The following RASGRF2 variants were observed in gnomAD, a reference collection of about 807,000 sequenced individuals.
RASGRF2 encodes ras-specific guanine nucleotide-releasing factor 2.
A neutral mutation model predicts 151.0 loss-of-function variants in RASGRF2; 76 were observed. That is an observed-to-expected ratio of 0.50 (90% CI 0.42 to 0.61). The LOEUF (loss-of-function observed/expected upper bound fraction) is 0.61, where lower values mean the gene tolerates loss of function less well. RASGRF2 is among the 20% of genes least tolerant of loss of function. The probability of loss-of-function intolerance (pLI) is 0.00; values close to 1 mark genes in which losing one functional copy is unlikely to be tolerated. For missense variants in RASGRF2, 1,148 were observed against 1,564.6 expected (o/e 0.73, Z 4.49); for synonymous variants, 504 against 566.5 (o/e 0.89, Z 1.57).
chr5:81,052,386 CAT>C (rs1751040430), intron 2 of RASGRF2, among the ~76,000 whole-genome samples: 1 of 152,206 alleles, frequency 6.6e-6, no homozygotes, highest in Non-Finnish European at 1.5e-5. Context: ...CAACTTTCCA[CAT>C]GTCCCAAAGT....
intron 2 of RASGRF2, among the ~76,000 whole-genome samples, chr5:81,057,038 G>T (rs564780521): frequency 6.6e-6 from 1 of 152,124 alleles, no homozygotes; most frequent in East Asian, 1.9e-4. Flanking sequence ...ACATGAGATG[G>T]GTCTCCTGAA....
At chr5:81,183,188 A>G (rs1754956132) in intron 18 of RASGRF2, 1 of 984,148 alleles carries the variant, frequency 1.0e-6, no homozygotes, top group Non-Finnish European at 1.2e-6. Context: ...CAGGGAGGCC[A>G]CTTCGATTTC....
At chr5:81,122,979 C>G (rs748536898) in intron 15 of RASGRF2, among the ~76,000 whole-genome samples, 13 of 152,236 alleles carry the variant, frequency 8.5e-5, no homozygotes, top group Non-Finnish European at 1.5e-4. Flanking sequence ...CAGAGATACC[C>G]AGTAGAATTT....
At chr5:80,963,855 G>A (rs1047381174) in intron 1 of RASGRF2, among the ~76,000 whole-genome samples, 2 of 152,082 alleles carry the variant, frequency 1.3e-5, no homozygotes, top group African/African-American at 4.8e-5. Flanking sequence ...AGCATTCTTG[G>A]GAGCTTAAAG....
At chr5:81,018,113 AAAAG>A (rs532836478) in intron 1 of RASGRF2, among the ~76,000 whole-genome samples, 89 of 152,102 alleles carry the variant, frequency 5.9e-4, no homozygotes, top group African/African-American at 1.6e-3. Flanking sequence ...TCTCAAAAAA[AAAAG>A]AAAGAAAGAA....
At chr5:81,113,070 G>A (rs1156774333) in intron 14 of RASGRF2, among the ~76,000 whole-genome samples, 1 of 152,092 alleles carries the variant, frequency 6.6e-6, no homozygotes, top group East Asian at 1.9e-4. Flanking sequence ...ATTTCCAGTT[G>A]GCCTTTGCTT....
chr5:81,200,966 C>T (rs1214278263), intron 18 of RASGRF2, among the ~76,000 whole-genome samples: 1 of 151,978 alleles, frequency 6.6e-6, no homozygotes, highest in Non-Finnish European at 1.5e-5. Flanking sequence ...GGGCGTGGTA[C>T]GTGTTGCAGG....
rs369630375 is a variant in RASGRF2 at position 81,189,711 on chromosome 5, CT to C, written c.2793+9447del. 6.4e-3 allele frequency among the ~76,000 whole-genome samples: 769 copies of C among 120,800 alleles called. 3 individuals carry two copies. Among genetic ancestry groups the C allele is most frequent in the African/African-American group, 0.02 (609 of 30,828 alleles). The allele number at this position is 120,800 out of a possible 152,430, so 79.2% of individuals were successfully genotyped here. A position where few individuals can be genotyped will look rare whatever the true frequency, so the allele number is the denominator to read the frequency against. ...CAGAGGATAATCGATGGCCTATATA[CT>C]TTTTTTTTTTTTTTTTCAGAGACAG... is the stretch of plus-strand genomic sequence containing the variant. On this transcript the variant is annotated intron_variant, in intron 18 of 26. Transcript: ENST00000265080.
chr5:81,205,103 CTTA>C (rs1755475748), intron 19 of RASGRF2, among the ~76,000 whole-genome samples: 1 of 152,190 alleles, frequency 6.6e-6, no homozygotes. Context: ...TTAGCTTTAA[CTTA>C]TTTTTTCCTC....
At chr5:81,200,165 G>A (rs983838931) in intron 18 of RASGRF2, among the ~76,000 whole-genome samples, 16 of 151,660 alleles carry the variant, frequency 1.1e-4, no homozygotes, top group Admixed American at 2.0e-4. Flanking sequence ...CAGCTACTTG[G>A]GAGGCTGAGG....
intron 2 of RASGRF2, among the ~76,000 whole-genome samples, chr5:81,052,515 G>C (rs1170529260): frequency 6.6e-6 from 1 of 152,148 alleles, no homozygotes; most frequent in Non-Finnish European, 1.5e-5. Context: ...TCTTAACTAA[G>C]ATGCTTGTGT....
chr5:81,199,118 TG>T (rs1755333201), intron 18 of RASGRF2, among the ~76,000 whole-genome samples: 1 of 152,232 alleles, frequency 6.6e-6, no homozygotes, highest in Admixed American at 6.5e-5. Context: ...TCTCTACTAG[TG>T]CATAGTCCTG....
At chr5:81,173,276 G>A (rs959979606) in intron 17 of RASGRF2, among the ~76,000 whole-genome samples, 1 of 152,130 alleles carries the variant, frequency 6.6e-6, no homozygotes, top group Non-Finnish European at 1.5e-5. Flanking sequence ...TACTTGAGAG[G>A]CTGAGACAGG....
rs575565451 is a variant in RASGRF2 at position 81,192,842 on chromosome 5, C to G, written c.2794-8488C>G. Among the ~76,000 whole-genome samples the G allele has an allele frequency of 4.6e-5, 7 of 151,970 alleles. No individual in the cohort carries two copies. The South Asian group carries it at 1.2e-3, about 27-fold the overall frequency. On this transcript the variant is annotated intron_variant, in intron 18 of 26. Transcript: ENST00000265080. ...TCCCAGTTTACAAACTGGCCCGAGT[C>G]TAAACTAACTCTACACCACAATTTA...
intron 8 of RASGRF2, 149 bp downstream of exon 8, chr5:81,086,060 GT>G: frequency 7.5e-7 from 1 of 1,336,224 alleles, no homozygotes; most frequent in Non-Finnish European, 1.0e-6. Flanking sequence ...AGCTTGTGAG[GT>G]GATATTGAAT....
chr5:81,003,462 A>G (rs1256508441), intron 1 of RASGRF2, among the ~76,000 whole-genome samples: 2 of 152,220 alleles, frequency 1.3e-5, no homozygotes, highest in East Asian at 3.9e-4. Flanking sequence ...TGACCTCGTG[A>G]TCTGCCCGCC....
rs370346024 is a variant in RASGRF2, at chr5:81,030,877, C to G, written c.289-12000C>G. On this transcript the variant is annotated intron_variant, in intron 1 of 26. Coordinates refer to ENST00000265080, the MANE Select transcript of RASGRF2 (RefSeq NM_006909.3). ...TGGCAAATGGATAAAGAGTCAAGACCCATCAGTGTGCTGTATTCAGGAGAC... is the reference window on the plus strand; with the variant it reads ...TGGCAAATGGATAAAGAGTCAAGACGCATCAGTGTGCTGTATTCAGGAGAC... Among the ~76,000 whole-genome samples, 117 of 152,208 alleles carry G rather than the reference C, an allele frequency of 7.7e-4. 1 individual carries two copies. In the South Asian group the frequency reaches 0.024, roughly 31 times the overall value.
At chr5:81,201,306 A>G (rs779834495) in intron 18 of RASGRF2, 24 bp from the exon 19 acceptor site, 8 of 1,601,516 alleles carry the variant, frequency 5.0e-6, no homozygotes, top group Non-Finnish European at 6.8e-6. Context: ...GCTAAAATTT[A>G]AAAAGATTCA....
chr5:81,030,734 C>T (rs898915714), intron 1 of RASGRF2, among the ~76,000 whole-genome samples: 6 of 152,046 alleles, frequency 3.9e-5, no homozygotes, highest in South Asian at 2.1e-4. Flanking sequence ...AGGAAGAAAC[C>T]GCATCAACTA....
Sources: allele counts gnomAD v4.1 joint callset (sites outside exome capture counted in the v4.1 genomes callset), GRCh38; gene constraint gnomAD v4.1.1; transcripts MANE v1.5; gene names NCBI Gene and HGNC (gene_info 2026-07-23, HGNC 2026-07-21).